ACAP2: variants seen among roughly 807,000 people sequenced by gnomAD.
The protein encoded by ACAP2 is arf-GAP with coiled-coil, ANK repeat and PH domain-containing protein 2.
Under a neutral mutation model 115.8 loss-of-function variants are expected in ACAP2, and 39 were observed. The ratio of observed to expected loss-of-function variants is 0.34; its 90% CI spans 0.26 to 0.44. ACAP2 has a LOEUF of 0.44. ACAP2 is among the 20% of genes least tolerant of loss of function. The pLI, the probability that ACAP2 is intolerant of heterozygous loss-of-function variation, is 1.00. For missense variants in ACAP2, 662 were observed against 927.6 expected, an observed-to-expected ratio of 0.71 and a Z score of 3.72; for synonymous variants, 289 against 315.8, an observed-to-expected ratio of 0.92 and a Z score of 0.90.
At chr3:195,383,758 A>G (rs991704823) in intron 2 of ACAP2, among the ~76,000 whole-genome samples, 1 of 152,174 alleles carries the variant, frequency 6.6e-6, no homozygotes, top group Non-Finnish European at 1.5e-5. Context: ...AAGTTTCCGT[A>G]CCATAAAAAA....
intron 4 of ACAP2, among the ~76,000 whole-genome samples, chr3:195,375,544 G>A (rs1733472594): frequency 6.6e-6 from 1 of 150,884 alleles, no homozygotes; most frequent in African/African-American, 2.4e-5. Context: ...AGGCACAGTG[G>A]CTCACACCTG....
In ACAP2 at chr3:195,442,951, T is replaced by C; in HGVS notation, c.-104A>G. ...GGCGGGCGCACGGCCGCGACTAGCG[T>C]TGCGCGGAGCTGCGAAGGGCGCCTC... On this transcript the variant is annotated 5_prime_UTR_variant, in exon 1 of 23. Coordinates refer to ENST00000326793, the MANE Select transcript of ACAP2 (RefSeq NM_012287.6). 2.7e-6 allele frequency: 3 copies of C among 1,104,046 alleles called. No individual in the cohort carries two copies. Among genetic ancestry groups the C allele is most frequent in the Non-Finnish European group, 3.7e-6 (3 of 812,140 alleles). The allele number at this position is 1,104,046 out of a possible 1,614,324, so 68.4% of individuals were successfully genotyped here.
chr3:195,363,686 A>G (rs1188348377), intron 4 of ACAP2, among the ~76,000 whole-genome samples: 3 of 152,090 alleles, frequency 2.0e-5, no homozygotes, highest in Non-Finnish European at 4.4e-5. Context: ...CAAAAAGAAC[A>G]AAACTGAAGA....
At chr3:195,353,692 T>C (rs1241849659) in intron 4 of ACAP2, among the ~76,000 whole-genome samples, 3 of 152,228 alleles carry the variant, frequency 2.0e-5, no homozygotes, top group East Asian at 3.8e-4. Flanking sequence ...TTCATGGAGA[T>C]GTGTGGATCT....
chr3:195,289,040 T>C, intron 21 of ACAP2, 81 bp downstream of exon 21: 1 of 1,117,824 alleles, frequency 8.9e-7, no homozygotes, highest in Non-Finnish European at 1.3e-6. Context: ...CACAGGGTCC[T>C]GGAACTAATT....
intron 1 of ACAP2, among the ~76,000 whole-genome samples, chr3:195,399,536 A>G (rs960580667): frequency 7.4e-4 from 112 of 152,116 alleles, no homozygotes; most frequent in Non-Finnish European, 3.7e-4. Flanking sequence ...AGCAAGCCCC[A>G]TTATATTTCT....
rs111856516 is a variant in ACAP2, at chr3:195,433,650, T to C, written c.53+9145A>G. ...CTATTTTTAGTTTTTTGAATAGTTT[T>C]ATCATGAGTGTTAGATTTTGTCAAA... On this transcript the variant is annotated intron_variant, in intron 1 of 22. Transcript: ENST00000326793. 4.7e-3 allele frequency among the ~76,000 whole-genome samples: 711 copies of C among 152,326 alleles called. 5 individuals carry two copies. The highest frequency in any genetic ancestry group is 0.016 in the African/African-American group (671 of 41,576).
intron 22 of ACAP2, among the ~76,000 whole-genome samples, chr3:195,281,469 T>C (rs960387203): frequency 8.5e-5 from 13 of 152,102 alleles, no homozygotes; most frequent in African/African-American, 3.1e-4. Flanking sequence ...TTAGTCTAGG[T>C]AAAAAGCAAC....
chr3:195,350,592 T>A (rs985630657), intron 4 of ACAP2, among the ~76,000 whole-genome samples: 2 of 150,142 alleles, frequency 1.3e-5, no homozygotes, highest in African/African-American at 4.9e-5. Flanking sequence ...GAGGCTGCAG[T>A]GAGTCATTTT....
intron 22 of ACAP2, among the ~76,000 whole-genome samples, chr3:195,280,986 A>AG (rs2108885704): frequency 6.6e-6 from 1 of 152,346 alleles, no homozygotes; most frequent in African/African-American, 2.4e-5. Flanking sequence ...AGTTTTTAAA[A>AG]AGTGAGATTT....
At chr3:195,325,399 G>GT in intron 9 of ACAP2, 1 of 364,250 alleles carries the variant, frequency 2.7e-6, no homozygotes, top group South Asian at 2.0e-5. Context: ...CTTTCCCTTA[G>GT]TTTTTAGTGG....
At chr3:195,331,475 G>T (rs572250732) in intron 8 of ACAP2, among the ~76,000 whole-genome samples, 1 of 152,040 alleles carries the variant, frequency 6.6e-6, no homozygotes, top group Admixed American at 6.6e-5. Flanking sequence ...ACCACGCCTG[G>T]ATAATTTTTG....
Position 195,294,753 on chromosome 3 carries a change from G to C in ACAP2, c.1731C>G (p.Pro577=). 5 of 1,610,030 alleles carry C rather than the reference G, an allele frequency of 3.1e-6. No individual in the cohort carries two copies. The highest frequency in any genetic ancestry group is 4.2e-6 in the Non-Finnish European group (5 of 1,177,410). ...QSSDDGRESL[P]STVSANSLYE... ...ATAAACTATTGGCTGACACCGTGGA[G>C]GGTAAAGATTCTCTTCCATCATCAG... Residue 577 remains proline (P), a synonymous_variant, in exon 18 of 23, where the codon CCC becomes CCG. Coordinates refer to ENST00000326793, the MANE Select transcript of ACAP2 (RefSeq NM_012287.6).
chr3:195,386,019 A>T (rs1734276907), intron 2 of ACAP2, among the ~76,000 whole-genome samples: 1 of 152,250 alleles, frequency 6.6e-6, no homozygotes, highest in Non-Finnish European at 1.5e-5. Flanking sequence ...TGAATGGATA[A>T]ACAAAATGAG....
At chr3:195,285,904 A>G in intron 21 of ACAP2, 47 bp from the exon 22 acceptor site, 12 of 1,380,536 alleles carry the variant, frequency 8.7e-6, no homozygotes, top group Non-Finnish European at 1.1e-5. Context: ...TATAATATAA[A>G]TGTCATAAAT....
chr3:195,376,251 G>A (rs1002523304), intron 4 of ACAP2, among the ~76,000 whole-genome samples: 3 of 152,080 alleles, frequency 2.0e-5, no homozygotes, highest in African/African-American at 7.2e-5. Flanking sequence ...AACGCTAGCC[G>A]GGTGTGGTGG....
At chr3:195,315,131 T>C (rs988400612) in intron 10 of ACAP2, among the ~76,000 whole-genome samples, 2 of 152,228 alleles carry the variant, frequency 1.3e-5, no homozygotes, top group Non-Finnish European at 2.9e-5. Context: ...TCTTCCCGCC[T>C]CAGCCACCTG....
intron 14 of ACAP2, 123 bp from the exon 15 acceptor site, chr3:195,301,767 T>G (rs1728074516): frequency 1.8e-6 from 2 of 1,134,228 alleles, no homozygotes; most frequent in Non-Finnish European, 2.6e-6. Flanking sequence ...GCACAGATCT[T>G]CTGTTTAATA....
chr3:195,368,075 A>G (rs1204555144), intron 4 of ACAP2, among the ~76,000 whole-genome samples: 11 of 152,240 alleles, frequency 7.2e-5, no homozygotes, highest in Non-Finnish European at 1.2e-4. Flanking sequence ...ACTACTTGGT[A>G]TAATTCAGAA....
Sources: allele counts gnomAD v4.1 joint callset (sites outside exome capture counted in the v4.1 genomes callset), GRCh38; gene constraint gnomAD v4.1.1; transcripts MANE v1.5; gene names NCBI Gene and HGNC (gene_info 2026-07-23, HGNC 2026-07-21).